Variants in CIDEA observed in about 807,000 individuals in gnomAD.
The protein encoded by CIDEA is lipid transferase CIDEA.
A neutral mutation model predicts 18.2 loss-of-function variants in CIDEA; 10 were observed. The ratio of observed to expected loss-of-function variants is 0.55; its 90% CI spans 0.34 to 0.93. The LOEUF (loss-of-function observed/expected upper bound fraction) is 0.93, where lower values mean the gene tolerates loss of function less well. Ranked by LOEUF, CIDEA falls within the 40% of genes least tolerant of loss-of-function variation. CIDEA has a pLI of 0.02. For missense variants in CIDEA, 309 were observed against 293.1 expected (o/e 1.05, Z -0.40); for synonymous variants, 128 against 124.8 (o/e 1.03, Z -0.17).
rs561308020 is a variant in CIDEA at position 12,271,058 on chromosome 18, C to G, written c.331-3035C>G. On this transcript the variant is annotated intron_variant, in intron 3 of 4. Transcript: ENST00000320477. ...GGATTACAGGCGCCCACCACCACGCCCGGCTAATTTTTGTATTATTAGTAG... is the reference window on the plus strand; with the variant it reads ...GGATTACAGGCGCCCACCACCACGCGCGGCTAATTTTTGTATTATTAGTAG... Among the ~76,000 whole-genome samples, 3 of 151,926 alleles carry G rather than the reference C, an allele frequency of 2.0e-5. No individual in the cohort carries two copies. The East Asian group carries it at 5.9e-4, about 30-fold the overall frequency.
intron 1 of CIDEA, among the ~76,000 whole-genome samples, chr18:12,257,605 G>A (rs1474422682): frequency 6.6e-6 from 1 of 152,186 alleles, no homozygotes; most frequent in African/African-American, 2.4e-5. Context: ...ACCTGTTCCT[G>A]AGAGACATGC....
At chr18:12,254,871 CG>C in intron 1 of CIDEA, 1 of 1,324,500 alleles carries the variant, frequency 7.6e-7, no homozygotes, top group Non-Finnish European at 1.0e-6. Flanking sequence ...GAGCTGGGCG[CG>C]GGAGGGGCCC....
rs137982486 is a variant in CIDEA, at chr18:12,254,364, C to A, written c.-20C>A. The A allele has an allele frequency of 6.6e-7, 1 of 1,519,178 alleles. No individual in the cohort carries two copies. 94.1% of individuals were successfully genotyped at this position (1,519,178 alleles called of 1,614,324 possible). On this transcript the variant is annotated 5_prime_UTR_variant, in exon 1 of 5. Coordinates refer to ENST00000320477, the MANE Select transcript of CIDEA (RefSeq NM_001279.4). ...CTGTGCAGGCAGACAGACCTCCAGG[C>A]CCGCTAGGGGATCCGCGCCATGGAG...
chr18:12,276,908 A>C (rs1044051631), intron 4 of CIDEA, among the ~76,000 whole-genome samples: 3 of 152,208 alleles, frequency 2.0e-5, no homozygotes, highest in African/African-American at 2.4e-5. Flanking sequence ...GGGAGCTCAC[A>C]GAGACCTGCT....
At chr18:12,271,258 C>A (rs1322350312) in intron 3 of CIDEA, among the ~76,000 whole-genome samples, 2 of 141,234 alleles carry the variant, frequency 1.4e-5, no homozygotes, top group South Asian at 2.5e-4. Context: ...GTTACTGGGG[C>A]GGGGTTGGGG....
intron 3 of CIDEA, among the ~76,000 whole-genome samples, chr18:12,266,547 A>C (rs1912353473): frequency 6.6e-6 from 1 of 152,234 alleles, no homozygotes. Flanking sequence ...GAAATGAAAA[A>C]TATAACAACT....
chr18:12,268,547 C>T (rs1202252615), intron 3 of CIDEA, among the ~76,000 whole-genome samples: 2 of 151,788 alleles, frequency 1.3e-5, no homozygotes, highest in Non-Finnish European at 2.9e-5. Flanking sequence ...GCCACCATGC[C>T]TGGCTGATTT....
chr18:12,273,674 T>C (rs1271936434), intron 3 of CIDEA, among the ~76,000 whole-genome samples: 2 of 152,184 alleles, frequency 1.3e-5, no homozygotes, highest in Admixed American at 6.5e-5. Context: ...CCCCATAAAA[T>C]TGAACCAATG....
intron 1 of CIDEA, among the ~76,000 whole-genome samples, chr18:12,255,468 G>T (rs1240729230): frequency 2.0e-5 from 3 of 152,180 alleles, no homozygotes; most frequent in Non-Finnish European, 4.4e-5. Flanking sequence ...TAAGCCCACA[G>T]TACAAGTCGG....
intron 1 of CIDEA, among the ~76,000 whole-genome samples, chr18:12,261,179 T>G (rs1039742361): frequency 6.6e-6 from 1 of 152,178 alleles, no homozygotes; most frequent in Non-Finnish European, 1.5e-5. Flanking sequence ...GGTCAGGAGT[T>G]TGAAACCAGC....
At chr18:12,255,584 T>C (rs2144053711) in intron 1 of CIDEA, among the ~76,000 whole-genome samples, 1 of 152,334 alleles carries the variant, frequency 6.6e-6, no homozygotes, top group South Asian at 2.1e-4. Flanking sequence ...TCCAGAACCA[T>C]CCACACCACA....
In CIDEA at chr18:12,255,342, A is replaced by C. The variant is rs1912001128; in HGVS notation, c.38+921A>C. On this transcript the variant is annotated intron_variant, in intron 1 of 4. Coordinates refer to ENST00000320477, the MANE Select transcript of CIDEA (RefSeq NM_001279.4). ...TACGTGTGGCGGGCAGAGAGACTACATGTGTGAAAGGGAGCGGTCCGGCTA... is the reference window on the plus strand; with the variant it reads ...TACGTGTGGCGGGCAGAGAGACTACCTGTGTGAAAGGGAGCGGTCCGGCTA... Among the ~76,000 whole-genome samples, 3 of 152,150 alleles carry C rather than the reference A, an allele frequency of 2.0e-5. No individual in the cohort carries two copies. In the South Asian group the frequency reaches 6.2e-4, roughly 32 times the overall value.
chr18:12,271,023 C>T (rs1320554634), intron 3 of CIDEA, among the ~76,000 whole-genome samples: 1 of 151,062 alleles, frequency 6.6e-6, no homozygotes, highest in Non-Finnish European at 1.5e-5. Flanking sequence ...CTCAGCCTCC[C>T]GAGTAGCTGG....
chr18:12,268,335 C>T (rs1912415829), intron 3 of CIDEA, among the ~76,000 whole-genome samples: 1 of 149,168 alleles, frequency 6.7e-6, no homozygotes, highest in South Asian at 2.1e-4. Context: ...CCACCTTGGC[C>T]TCCCAAAGTG....
At chr18:12,256,196 A>G (rs1268659195) in intron 1 of CIDEA, among the ~76,000 whole-genome samples, 1 of 152,202 alleles carries the variant, frequency 6.6e-6, no homozygotes, top group East Asian at 1.9e-4. Flanking sequence ...GCCCCTCTCT[A>G]AAACCCTGTC....
At chr18:12,254,686 T>G in intron 1 of CIDEA, 1 of 1,514,878 alleles carries the variant, frequency 6.6e-7, no homozygotes, top group Non-Finnish European at 8.9e-7. Flanking sequence ...CAGGTGTGGC[T>G]CTTGCGAGGT....
chr18:12,272,323 C>T (rs898409342), intron 3 of CIDEA, among the ~76,000 whole-genome samples: 90 of 152,330 alleles, frequency 5.9e-4, no homozygotes, highest in African/African-American at 2.1e-3. Flanking sequence ...AGTGCTTCTC[C>T]TGCCTCAGCC....
intron 1 of CIDEA, among the ~76,000 whole-genome samples, chr18:12,261,501 G>A (rs1912190706): frequency 6.6e-6 from 1 of 152,126 alleles, no homozygotes; most frequent in East Asian, 1.9e-4. Context: ...AAAATTTCAT[G>A]CCTTCATGCT....
In CIDEA at chr18:12,264,447, G is replaced by A. The variant is rs1364306244; in HGVS notation, c.324G>A (p.Trp108Ter). The change falls in exon 3 of 5, where the codon TGG (tryptophan) becomes TGA (stop). Residue 108 changes from tryptophan to a stop codon, truncating the protein, a stop_gained. Transcript: ENST00000320477. LOFTEE classifies it high-confidence loss of function. ...TGATCTTGGAAAAAGGACAGAAGTGGATGCCGGTAAGCAAAAACACTGTCA... is the reference window on the plus strand; with the variant it reads ...TGATCTTGGAAAAAGGACAGAAGTGAATGCCGGTAAGCAAAAACACTGTCA... The part of the protein sequence containing the change: ...HFMILEKGQK[W>*]MPGSQHVPTC... The A allele has an allele frequency of 3.7e-6, 6 of 1,613,236 alleles. No homozygotes were observed. The highest frequency in any genetic ancestry group is 5.1e-6 in the Non-Finnish European group (6 of 1,179,606).
Sources: gnomAD v4.1 joint callset for allele counts (sites outside exome capture counted in the v4.1 genomes callset) on GRCh38, gnomAD v4.1.1 for gene constraint, MANE v1.5 for transcripts, NCBI Gene and HGNC (gene_info 2026-07-23, HGNC 2026-07-21) for gene names.